The following DYNLL1 variants were observed in gnomAD, a reference collection of about 807,000 sequenced individuals.
DYNLL1 encodes dynein light chain 1, cytoplasmic.
A neutral mutation model predicts 10.1 loss-of-function variants in DYNLL1; 3 were observed. The ratio of observed to expected loss-of-function variants is 0.30; its 90% CI spans 0.14 to 0.77. The LOEUF is 0.77. Ranked by LOEUF, DYNLL1 falls within the 30% of genes least tolerant of loss-of-function variation. The pLI is 0.66. For synonymous variants in DYNLL1, 46 were observed against 41.2 expected (o/e 1.12, Z -0.45); for missense variants, 47 against 111.7 (o/e 0.42, Z 2.61).
At chr12:120,479,468 A>T (rs11065135) in intron 1 of DYNLL1, among the ~76,000 whole-genome samples, 4,854 of 109,528 alleles carry the variant, frequency 0.044, 307 homozygotes, top group Admixed American at 0.11. Context: ...AAAAAAAAAA[A>T]AATAATAATA....
chr12:120,485,690 A>T (rs1202678583), intron 1 of DYNLL1, among the ~76,000 whole-genome samples: 1 of 151,904 alleles, frequency 6.6e-6, no homozygotes, highest in South Asian at 2.1e-4. Flanking sequence ...AAATCAAAAA[A>T]ATTAGCCAGG....
rs1230424714 is a variant in DYNLL1 at position 120,496,173 on chromosome 12, CT to C, written c.-49del. 9.2e-5 allele frequency: 56 copies of C among 605,440 alleles called. No individual in the cohort carries two copies. Among genetic ancestry groups the C allele is most frequent in the Middle Eastern group, 4.5e-4 (1 of 2,218 alleles). The allele number at this position is 605,440 out of a possible 1,614,324, so 37.5% of individuals were successfully genotyped here. ...AGCCGGGCCTGAGCTGTGCTAGCAC[CT>C]CCCCCAGGAGACCGTTGCAGTCGGC... On this transcript the variant is annotated 5_prime_UTR_variant, in exon 1 of 3. Coordinates refer to ENST00000242577, the MANE Select transcript of DYNLL1 (RefSeq NM_003746.3).
intron 1 of DYNLL1, among the ~76,000 whole-genome samples, chr12:120,484,258 C>A (rs1255526388): frequency 6.7e-6 from 1 of 148,598 alleles, no homozygotes; most frequent in Non-Finnish European, 1.5e-5. Flanking sequence ...AGGAGATGGA[C>A]CCAGTGCCAG....
At chr12:120,486,515 C>G (rs1203924144) in intron 1 of DYNLL1, among the ~76,000 whole-genome samples, 1 of 152,128 alleles carries the variant, frequency 6.6e-6, no homozygotes, top group African/African-American at 2.4e-5. Context: ...GTTGCCCAGG[C>G]TGGAGTGCAG....
chr12:120,496,367 T>C (rs1593007803), intron 1 of DYNLL1, 49 bp from the exon 2 acceptor site: 1 of 1,609,526 alleles, frequency 6.2e-7, no homozygotes, highest in East Asian at 2.2e-5. Context: ...AGTTAGTGCC[T>C]GGGGGGCGCG....
chr12:120,487,790 T>G (rs1482312038), intron 1 of DYNLL1, among the ~76,000 whole-genome samples: 1 of 152,196 alleles, frequency 6.6e-6, no homozygotes, highest in Non-Finnish European at 1.5e-5. Flanking sequence ...ACCTTCACTA[T>G]GGCGCCCAGG....
intron 1 of DYNLL1, among the ~76,000 whole-genome samples, chr12:120,474,588 AAAAC>A (rs1013222543): frequency 5.9e-5 from 9 of 152,208 alleles, no homozygotes; most frequent in African/African-American, 1.4e-4. Flanking sequence ...ATAAAAATTT[AAAAC>A]AAACAAAAAA....
intron 1 of DYNLL1, among the ~76,000 whole-genome samples, chr12:120,484,890 C>T (rs1411705943): frequency 1.3e-5 from 2 of 152,110 alleles, no homozygotes; most frequent in East Asian, 1.9e-4. Context: ...AGGCACGCAA[C>T]ACTACACCTG....
At chr12:120,486,328 T>C (rs1878993304) in intron 1 of DYNLL1, among the ~76,000 whole-genome samples, 1 of 152,222 alleles carries the variant, frequency 6.6e-6, no homozygotes, top group Non-Finnish European at 1.5e-5. Flanking sequence ...GATTATTATG[T>C]ACAGCCTTAA....
chr12:120,485,535 G>C (rs1172901138), intron 1 of DYNLL1, among the ~76,000 whole-genome samples: 1 of 151,892 alleles, frequency 6.6e-6, no homozygotes, highest in Non-Finnish European at 1.5e-5. Flanking sequence ...ATTACGAAAA[G>C]CAGGTAACAA....
At chr12:120,477,731 C>T (rs1016350652) in intron 1 of DYNLL1, among the ~76,000 whole-genome samples, 1 of 151,926 alleles carries the variant, frequency 6.6e-6, no homozygotes. Context: ...ACTAGGGTCT[C>T]GCCACTGTAC....
At chr12:120,483,337 C>T (rs1194246018) in intron 1 of DYNLL1, among the ~76,000 whole-genome samples, 1 of 98,938 alleles carries the variant, frequency 1.0e-5, no homozygotes. Flanking sequence ...AGCTCTGTAT[C>T]AAAAAAAAAA....
chr12:120,483,024 C>A (rs993961890), intron 1 of DYNLL1, among the ~76,000 whole-genome samples: 60 of 151,896 alleles, frequency 4.0e-4, no homozygotes, highest in Non-Finnish European at 1.5e-4. Context: ...GCCTGGAAAA[C>A]AGAGCAAGAC....
At chr12:120,486,727 C>T (rs181516379) in intron 1 of DYNLL1, among the ~76,000 whole-genome samples, 1 of 152,082 alleles carries the variant, frequency 6.6e-6, no homozygotes, top group South Asian at 2.1e-4. Flanking sequence ...CTGCCTTAGC[C>T]TCCCAAAGCG....
chr12:120,479,957 C>T (rs1878846433), intron 1 of DYNLL1, among the ~76,000 whole-genome samples: 1 of 152,128 alleles, frequency 6.6e-6, no homozygotes, highest in Admixed American at 6.6e-5. Context: ...TTGTATATCC[C>T]TGAATAGGAT....
chr12:120,472,110 TAC>T (rs1303767122), intron 1 of DYNLL1, among the ~76,000 whole-genome samples: 1 of 152,172 alleles, frequency 6.6e-6, no homozygotes, highest in African/African-American at 2.4e-5. Flanking sequence ...CACAGTAATT[TAC>T]AGTTAAAGTG....
chr12:120,496,207 C>A lies in DYNLL1; in HGVS notation c.-16C>A, dbSNP rs912683612. ...GAGACCGTTGCAGTCGGCCAGCCCC[C>A]TTCTCCACGGTGAGAAACTCGGGGG... On this transcript the variant is annotated 5_prime_UTR_variant, in exon 1 of 3. Transcript: ENST00000242577. 2 of 694,250 alleles carry A rather than the reference C, an allele frequency of 2.9e-6. No homozygotes were observed. Among genetic ancestry groups the A allele is most frequent in the Non-Finnish European group, 4.8e-6 (2 of 417,122 alleles). The allele number at this position is 694,250 out of a possible 1,614,324, so 43.0% of individuals were successfully genotyped here.
At chr12:120,478,578 A>G (rs1041966587) in intron 1 of DYNLL1, among the ~76,000 whole-genome samples, 15 of 150,750 alleles carry the variant, frequency 1.0e-4, no homozygotes, top group African/African-American at 3.6e-4. Flanking sequence ...CAGGCTGGGC[A>G]CAGTGGCTCA....
At chr12:120,475,743 TATCATTCTCAAAG>T (rs1470046740) in intron 1 of DYNLL1, among the ~76,000 whole-genome samples, 2 of 152,068 alleles carry the variant, frequency 1.3e-5, no homozygotes, top group Admixed American at 1.3e-4. Context: ...CGTAGGAATT[TATCATTCTCAAAG>T]GTCTATAAGC....
Sources: allele counts gnomAD v4.1 joint callset (sites outside exome capture counted in the v4.1 genomes callset), GRCh38; gene constraint gnomAD v4.1.1; transcripts MANE v1.5; gene names NCBI Gene and HGNC (gene_info 2026-07-23, HGNC 2026-07-21).